WDR41: variants seen among roughly 807,000 people sequenced by gnomAD.
WDR41 encodes WD repeat-containing protein 41.
WDR41 carries 63 observed loss-of-function variants against 69.3 expected under a neutral mutation model. The observed-to-expected ratio is 0.91, with a 90% confidence interval of 0.74 to 1.12. The LOEUF is 1.12. Ranked by LOEUF, WDR41 falls within the 50% of genes most tolerant of loss-of-function variation. The pLI is 0.00. For synonymous variants in WDR41, 185 were observed against 192.1 expected (o/e 0.96, Z 0.31); for missense variants, 543 against 534.5 (o/e 1.02, Z -0.16).
chr5:77,475,827 C>G (rs543137490), intron 2 of WDR41, among the ~76,000 whole-genome samples: 1 of 152,284 alleles, frequency 6.6e-6, no homozygotes, highest in South Asian at 2.1e-4. Context: ...TGGAGAATGA[C>G]TTTGACAAGC....
At chr5:77,560,416 T>C (rs1366939299) in intron 1 of WDR41, among the ~76,000 whole-genome samples, 4 of 152,180 alleles carry the variant, frequency 2.6e-5, no homozygotes, top group Non-Finnish European at 5.9e-5. Flanking sequence ...GCTACCATAT[T>C]TACAAATGAA....
At chr5:77,585,943 C>T (rs954004977) in intron 1 of WDR41, among the ~76,000 whole-genome samples, 3 of 152,090 alleles carry the variant, frequency 2.0e-5, no homozygotes, top group African/African-American at 7.2e-5. Context: ...TAACCAAATA[C>T]CACCTGTACC....
At chr5:77,595,488 C>T (rs1303031977) in intron 1 of WDR41, among the ~76,000 whole-genome samples, 2 of 152,188 alleles carry the variant, frequency 1.3e-5, no homozygotes, top group Non-Finnish European at 2.9e-5. Context: ...CCACATTATA[C>T]AGCAGAGAAA....
At chr5:77,518,757 A>G (rs1802329645) in intron 1 of WDR41, among the ~76,000 whole-genome samples, 1 of 152,160 alleles carries the variant, frequency 6.6e-6, no homozygotes, top group Non-Finnish European at 1.5e-5. Context: ...TAAATAGTTT[A>G]TAAACCAAAC....
At chr5:77,469,251 G>C (rs773549895) in intron 2 of WDR41, among the ~76,000 whole-genome samples, 1 of 152,074 alleles carries the variant, frequency 6.6e-6, no homozygotes, top group Non-Finnish European at 1.5e-5. Flanking sequence ...GTGGGGTGGG[G>C]GTAGGGGGGA....
intron 1 of WDR41, among the ~76,000 whole-genome samples, chr5:77,586,960 C>T (rs1400486670): frequency 1.3e-5 from 2 of 151,630 alleles, no homozygotes; most frequent in East Asian, 1.9e-4. Flanking sequence ...CCTTGTGATC[C>T]GCCTGCCTTG....
At chr5:77,603,798 C>T (rs577267982) in intron 1 of WDR41, among the ~76,000 whole-genome samples, 20 of 152,196 alleles carry the variant, frequency 1.3e-4, no homozygotes, top group African/African-American at 4.1e-4. Flanking sequence ...ATGTGGATAT[C>T]CAGTTTTCTT....
At chr5:77,455,589 A>G (rs1309968833) in intron 5 of WDR41, among the ~76,000 whole-genome samples, 1 of 152,224 alleles carries the variant, frequency 6.6e-6, no homozygotes, top group African/African-American at 2.4e-5. Context: ...CAGCTCTTAC[A>G]TTTGGGTCTT....
chr5:77,463,020 G>A, intron 4 of WDR41, 75 bp downstream of exon 4: 1 of 1,500,254 alleles, frequency 6.7e-7, no homozygotes, highest in Non-Finnish European at 9.0e-7. Flanking sequence ...GACCCTATCA[G>A]CTAAAGACTA....
At chr5:77,593,042 G>C (rs1744161252) in intron 1 of WDR41, among the ~76,000 whole-genome samples, 1 of 152,168 alleles carries the variant, frequency 6.6e-6, no homozygotes, top group Non-Finnish European at 1.5e-5. Context: ...TCAGAAAGAA[G>C]AGAGTCCCAG....
intron 1 of WDR41, among the ~76,000 whole-genome samples, chr5:77,591,850 G>C (rs556479811): frequency 6.6e-6 from 1 of 152,186 alleles, no homozygotes; most frequent in East Asian, 1.9e-4. Flanking sequence ...GCACTTAAAA[G>C]AATGTACATT....
intron 1 of WDR41, among the ~76,000 whole-genome samples, chr5:77,516,160 A>T (rs954086358): frequency 6.6e-6 from 1 of 152,134 alleles, no homozygotes; most frequent in African/African-American, 2.4e-5. Context: ...TGTTTTGGGT[A>T]TTTAAAAACG....
chr5:77,571,350 T>C (rs1176338941), intron 1 of WDR41, among the ~76,000 whole-genome samples: 4 of 151,756 alleles, frequency 2.6e-5, no homozygotes, highest in South Asian at 2.1e-4. Context: ...CACTGAGTTA[T>C]GCAAATATTC....
chr5:77,493,221 C>G (rs1801880987), upstream of WDR41, among the ~76,000 whole-genome samples: 1 of 152,188 alleles, frequency 6.6e-6, no homozygotes, highest in African/African-American at 2.4e-5. Flanking sequence ...CTGAAAATCA[C>G]TGGTCTAGGA....
intron 8 of WDR41, among the ~76,000 whole-genome samples, chr5:77,445,153 C>G (rs1407841679): frequency 1.3e-5 from 2 of 152,106 alleles, no homozygotes; most frequent in Non-Finnish European, 2.9e-5. Context: ...ACTATAAACA[C>G]CTCTACACAA....
At chr5:77,549,162 G>C (rs186850295) in intron 1 of WDR41, among the ~76,000 whole-genome samples, 2 of 152,080 alleles carry the variant, frequency 1.3e-5, no homozygotes, top group Admixed American at 6.6e-5. Flanking sequence ...AAGGATAAAA[G>C]ACTACAAATA....
At chr5:77,475,488 T>A (rs1800870098) in intron 2 of WDR41, among the ~76,000 whole-genome samples, 2 of 152,178 alleles carry the variant, frequency 1.3e-5, no homozygotes, top group South Asian at 4.1e-4. Context: ...ACGGGCAGAC[T>A]GCCTCCTCAA....
At chr5:77,550,792 A>T (rs1324528833) in intron 1 of WDR41, among the ~76,000 whole-genome samples, 1 of 152,230 alleles carries the variant, frequency 6.6e-6, no homozygotes, top group Non-Finnish European at 1.5e-5. Context: ...TCATATGTTC[A>T]TCACAGCACT....
At chr5:77,571,468 T>C (rs1561227580) in intron 1 of WDR41, among the ~76,000 whole-genome samples, 1 of 152,130 alleles carries the variant, frequency 6.6e-6, no homozygotes, top group Non-Finnish European at 1.5e-5. Context: ...GACACTGGAA[T>C]AACCTTTCTG....
Sources: gnomAD v4.1 joint callset for allele counts (sites outside exome capture counted in the v4.1 genomes callset) on GRCh38, gnomAD v4.1.1 for gene constraint, MANE v1.5 for transcripts, NCBI Gene and HGNC (gene_info 2026-07-23, HGNC 2026-07-21) for gene names.